The following GABRR3 variants were observed in gnomAD, a reference collection of about 807,000 sequenced individuals.
GABRR3 encodes the protein gamma-aminobutyric acid type A receptor subunit rho3.
In GABRR3, 29 loss-of-function variants were observed where a neutral mutation model predicts 43.2. The ratio of observed to expected loss-of-function variants is 0.67; its 90% CI spans 0.50 to 0.92. The LOEUF is 0.92. GABRR3 is among the 40% of genes least tolerant of loss of function. The pLI is 0.00. For synonymous variants in GABRR3, 206 were observed against 195.9 expected (o/e 1.05, Z -0.43); for missense variants, 576 against 572.3 (o/e 1.01, Z -0.07).
At chr3:98,029,666 G>C (rs1707061245) in intron 2 of GABRR3, among the ~76,000 whole-genome samples, 1 of 152,090 alleles carries the variant, frequency 6.6e-6, no homozygotes, top group African/African-American at 2.4e-5. Context: ...GACACGAAGA[G>C]ACTAGTTACC....
intron 5 of GABRR3, among the ~76,000 whole-genome samples, chr3:98,009,412 G>A (rs1391264585): frequency 6.6e-6 from 1 of 152,198 alleles, no homozygotes; most frequent in African/African-American, 2.4e-5. Context: ...TAAATAGTCT[G>A]TAGTAACAAA....
At position 98,034,848 on chromosome 3, in the gene GABRR3, C is replaced by G. The variant is rs759045445; in HGVS notation, c.125+15G>C. On this transcript the variant is annotated intron_variant, in intron 2 of 9. Transcript: ENST00000621172. ...CTGGGCAGTAATTCCATGGACTGCA[C>G]TATGAGCATCTTACCAGGTTTGTTT... 1 of 1,612,562 alleles carries G rather than the reference C, an allele frequency of 6.2e-7. No individual in the cohort carries two copies. The highest frequency in any genetic ancestry group is 8.5e-7 in the Non-Finnish European group (1 of 1,178,936).
At chr3:98,031,880 T>C (rs755335913) in intron 2 of GABRR3, among the ~76,000 whole-genome samples, 5 of 152,132 alleles carry the variant, frequency 3.3e-5, no homozygotes, top group Non-Finnish European at 5.9e-5. Flanking sequence ...TGCAGTAGCA[T>C]TGGATTTGCC....
At chr3:98,014,337 A>G (rs928289980) in intron 4 of GABRR3, among the ~76,000 whole-genome samples, 3 of 152,206 alleles carry the variant, frequency 2.0e-5, no homozygotes, top group Admixed American at 6.5e-5. Context: ...AGAGCACAAC[A>G]GGCTTGGGGA....
intron 3 of GABRR3, 151 bp downstream of exon 3, chr3:98,025,416 G>A (rs1342527088): frequency 1.8e-5 from 10 of 547,860 alleles, no homozygotes; most frequent in Non-Finnish European, 3.2e-5. Flanking sequence ...CTCATCAATT[G>A]TTCTCATTAA....
downstream of GABRR3, chr3:97,986,633 G>A (rs1208970651): frequency 7.8e-7 from 1 of 1,276,806 alleles, no homozygotes; most frequent in Non-Finnish European, 1.1e-6. Context: ...CAAGAGTTTT[G>A]TTTTTAAACA....
intron 8 of GABRR3, among the ~76,000 whole-genome samples, chr3:97,997,134 G>C (rs899320590): frequency 6.6e-6 from 1 of 152,174 alleles, no homozygotes; most frequent in African/African-American, 2.4e-5. Context: ...AATAGAGGAA[G>C]TAAGCTACTT....
At chr3:98,034,603 T>C (rs931355348) in intron 2 of GABRR3, among the ~76,000 whole-genome samples, 1 of 152,136 alleles carries the variant, frequency 6.6e-6, no homozygotes, top group African/African-American at 2.4e-5. Context: ...TGAAAGAGGA[T>C]CCTTACATGA....
intron 7 of GABRR3, 96 bp from the exon 8 acceptor site, chr3:98,001,863 G>C: frequency 7.4e-7 from 1 of 1,345,632 alleles, no homozygotes; most frequent in East Asian, 2.3e-5. Context: ...CCAAGCTCTT[G>C]GGGACACGGA....
intron 9 of GABRR3, among the ~76,000 whole-genome samples, chr3:97,992,369 T>A (rs1706479866): frequency 6.6e-6 from 1 of 152,208 alleles, no homozygotes; most frequent in South Asian, 2.1e-4. Flanking sequence ...TTCAGCTGTG[T>A]GACCTTGGCC....
intron 4 of GABRR3, among the ~76,000 whole-genome samples, chr3:98,014,790 G>C (rs898556602): frequency 6.6e-6 from 1 of 152,140 alleles, no homozygotes; most frequent in African/African-American, 2.4e-5. Context: ...TAGATGAAAA[G>C]ATTATTTGAT....
intron 7 of GABRR3, among the ~76,000 whole-genome samples, chr3:98,004,932 T>A (rs546420343): frequency 4.6e-5 from 7 of 152,078 alleles, no homozygotes; most frequent in Non-Finnish European, 1.0e-4. Flanking sequence ...TGTTTAATGA[T>A]TCGTGGATAA....
chr3:97,989,083 G>A (rs1429212873), intron 9 of GABRR3, among the ~76,000 whole-genome samples: 1 of 150,784 alleles, frequency 6.6e-6, no homozygotes, highest in Non-Finnish European at 1.5e-5. Flanking sequence ...TGTTGGTGAT[G>A]TTATTGGTGG....
At chr3:98,004,168 G>T (rs899879285) in intron 7 of GABRR3, among the ~76,000 whole-genome samples, 1 of 152,138 alleles carries the variant, frequency 6.6e-6, no homozygotes, top group Non-Finnish European at 1.5e-5. Flanking sequence ...CCCTTTGAAA[G>T]TAGGCCTTAA....
At chr3:98,033,675 C>A (rs573206383) in intron 2 of GABRR3, among the ~76,000 whole-genome samples, 1 of 151,996 alleles carries the variant, frequency 6.6e-6, no homozygotes, top group Non-Finnish European at 1.5e-5. Flanking sequence ...TACTATAAAA[C>A]GTAATAAGCT....
intron 7 of GABRR3, among the ~76,000 whole-genome samples, chr3:98,002,312 A>G (rs531934781): frequency 1.3e-5 from 2 of 152,342 alleles, no homozygotes; most frequent in South Asian, 4.1e-4. Context: ...TAATTTGTGC[A>G]TGATGAATCT....
Position 97,991,056 on chromosome 3 carries a change from T to A in GABRR3, c.1104+1796A>T, listed in dbSNP as rs1453069623. Among the ~76,000 whole-genome samples, 4 of 152,142 alleles carry A rather than the reference T, an allele frequency of 2.6e-5. No homozygotes were observed. The South Asian group carries it at 8.3e-4, about 31-fold the overall frequency. On this transcript the variant is annotated intron_variant, in intron 9 of 9. Transcript: ENST00000621172. ...AGATTGTGTATAATATCAACAACTA[T>A]AAAACAATCAGGCAGAGTGAACACA... is the stretch of plus-strand genomic sequence containing the variant.
At chr3:98,026,134 C>T (rs1222157174) in intron 2 of GABRR3, among the ~76,000 whole-genome samples, 3 of 152,072 alleles carry the variant, frequency 2.0e-5, no homozygotes, top group Admixed American at 6.5e-5. Context: ...ACGAAGACAG[C>T]GAGAAAACGA....
At chr3:98,007,631 T>C in intron 7 of GABRR3, 133 bp downstream of exon 7, 2 of 928,438 alleles carry the variant, frequency 2.2e-6, no homozygotes, top group Non-Finnish European at 3.3e-6. Flanking sequence ...TTGCTCCCTG[T>C]AAAAGGAGAG....
Sources: gnomAD v4.1 joint callset for allele counts (sites outside exome capture counted in the v4.1 genomes callset) on GRCh38, gnomAD v4.1.1 for gene constraint, MANE v1.5 for transcripts, NCBI Gene and HGNC (gene_info 2026-07-23, HGNC 2026-07-21) for gene names.